The following AAK1 variants were observed in gnomAD, a reference collection of about 807,000 sequenced individuals.
AAK1 encodes the protein AP2-associated protein kinase 1.
In AAK1, 37 loss-of-function variants were observed where a neutral mutation model predicts 116.0. The ratio of observed to expected loss-of-function variants is 0.32; its 90% CI spans 0.25 to 0.42. The LOEUF (loss-of-function observed/expected upper bound fraction) is 0.42, where lower values mean the gene tolerates loss of function less well. Ranked by LOEUF, AAK1 falls within the 10% of genes least tolerant of loss-of-function variation. The pLI is 1.00. For missense variants in AAK1, 919 were observed against 1,170.6 expected (o/e 0.79, Z 3.14); for synonymous variants, 458 against 439.9 (o/e 1.04, Z -0.51).
intron 13 of AAK1, among the ~76,000 whole-genome samples, chr2:69,512,050 T>C (rs1676414803): frequency 6.6e-6 from 1 of 152,216 alleles, no homozygotes; most frequent in Non-Finnish European, 1.5e-5. Context: ...CAGGGTTAAC[T>C]GGAAGCAGAG....
Position 69,469,836 on chromosome 2 carries a change from T to C in AAK1, c.*6033A>G, listed in dbSNP as rs149771824. On this transcript the variant is annotated 3_prime_UTR_variant, in exon 22 of 22. Coordinates refer to ENST00000409085, the MANE Select transcript of AAK1 (RefSeq NM_014911.5). ...AGGACTGTGTGCCAGGTTAGGCACG[T>C]TGACACTTTCAATATGGGTAACTCC... The C allele has an allele frequency of 8.8e-5, 87 of 985,472 alleles. No individual in the cohort carries two copies. The highest frequency in any genetic ancestry group is 1.0e-3 in the Middle Eastern group (2 of 1,914). The allele number at this position is 985,472 out of a possible 1,614,324, so 61.0% of individuals were successfully genotyped here.
chr2:69,635,504 G>A (rs569383437), intron 2 of AAK1, among the ~76,000 whole-genome samples: 2 of 152,320 alleles, frequency 1.3e-5, no homozygotes, highest in South Asian at 4.1e-4. Context: ...GTTCATAACT[G>A]TAGCAACATT....
At chr2:69,630,712 C>T (rs921794122) in intron 2 of AAK1, among the ~76,000 whole-genome samples, 2 of 152,190 alleles carry the variant, frequency 1.3e-5, no homozygotes, top group Non-Finnish European at 2.9e-5. Flanking sequence ...TAAACCATCA[C>T]ACACAGTACT....
intron 15 of AAK1, among the ~76,000 whole-genome samples, chr2:69,506,898 C>A (rs1487458428): frequency 1.7e-5 from 2 of 121,088 alleles, no homozygotes; most frequent in Non-Finnish European, 3.3e-5. Context: ...GTGTGTGTGT[C>A]CTGCCTTCCA....
intron 2 of AAK1, among the ~76,000 whole-genome samples, chr2:69,621,584 A>C (rs1055802829): frequency 2.0e-5 from 3 of 152,190 alleles, no homozygotes; most frequent in Non-Finnish European, 2.9e-5. Flanking sequence ...AACCCACAGA[A>C]TCATGAGCAA....
chr2:69,480,115 C>G (rs1239039489), intron 19 of AAK1, among the ~76,000 whole-genome samples: 1 of 151,916 alleles, frequency 6.6e-6, no homozygotes, highest in Non-Finnish European at 1.5e-5. Flanking sequence ...AGAAAACATT[C>G]AAATGAGGAT....
At chr2:69,590,524 C>T (rs1672984418) in intron 2 of AAK1, among the ~76,000 whole-genome samples, 1 of 152,246 alleles carries the variant, frequency 6.6e-6, no homozygotes, top group Non-Finnish European at 1.5e-5. Flanking sequence ...CAGCATAAGC[C>T]ATCCCCACTA....
intron 5 of AAK1, among the ~76,000 whole-genome samples, chr2:69,540,412 C>G (rs960183731): frequency 6.6e-6 from 1 of 152,162 alleles, no homozygotes; most frequent in African/African-American, 2.4e-5. Context: ...TGAGCCACCA[C>G]GCCCGGCCAC....
chr2:69,542,000 C>T (rs1428944236), intron 5 of AAK1, among the ~76,000 whole-genome samples: 1 of 152,170 alleles, frequency 6.6e-6, no homozygotes, highest in Non-Finnish European at 1.5e-5. Context: ...GTACATAAAA[C>T]GTAGTAGAGT....
At chr2:69,640,534 G>C (rs1573036639) in intron 2 of AAK1, among the ~76,000 whole-genome samples, 1 of 152,168 alleles carries the variant, frequency 6.6e-6, no homozygotes, top group Admixed American at 6.5e-5. Context: ...ATCCTTAAAG[G>C]CAGATGTCAA....
rs74712362 is a variant in AAK1 at position 69,541,825 on chromosome 2, C to T, written c.534+698G>A. 6.7e-3 allele frequency among the ~76,000 whole-genome samples: 1,014 copies of T among 152,186 alleles called. 23 individuals carry two copies. The highest frequency in any genetic ancestry group is 0.013 in the East Asian group (66 of 5,178). ...GCTATGAAGCATGTTTCCTGAAACA[C>T]GGTAGAATGAAAAGAAATTGTAATT... On this transcript the variant is annotated intron_variant, in intron 5 of 21. Transcript: ENST00000409085.
chr2:69,532,101 G>T lies in AAK1; in HGVS notation c.596C>A (p.Thr199Asn), dbSNP rs1459510305. 6.2e-7 allele frequency: 1 copy of T among 1,613,528 alleles called. No homozygotes were observed. Among genetic ancestry groups the T allele is most frequent in the African/African-American group, 1.3e-5 (1 of 74,858 alleles). The change falls in exon 6 of 22, where the codon ACC becomes AAC. Residue 199 changes from threonine to asparagine, a missense_variant. Transcript: ENST00000409085. ...AGTTTGTGGATTCTGGAATTTGTTG[G>T]TGGCGCTTCCAAAGTCACACAGGAC... ...HYVLCDFGSA[T>N]NKFQNPQTEG...
intron 17 of AAK1, among the ~76,000 whole-genome samples, chr2:69,493,240 T>G (rs1008603941): frequency 6.7e-6 from 1 of 148,392 alleles, no homozygotes; most frequent in East Asian, 2.0e-4. Context: ...AATGTTAAAA[T>G]AAGCAGAATA....
Position 69,519,037 on chromosome 2 carries a change from G to C in AAK1, c.1414C>G (p.Gln472Glu), listed in dbSNP as rs1399618043. The C allele has an allele frequency of 8.4e-6, 13 of 1,550,602 alleles. No homozygotes were observed. In the South Asian group the frequency reaches 1.5e-4, roughly 18 times the overall value. Residue 472 changes from glutamine to glutamate, a missense_variant, in exon 12 of 22, where the codon CAA becomes GAA. By Grantham distance (29) the Gln-to-Glu change is conservative. Coordinates refer to ENST00000409085, the MANE Select transcript of AAK1 (RefSeq NM_014911.5). ...GGCGGTGGCTGTTGCTGCTGCTGTT[G>C]CTGCTTGAGGAAGAGTTGCTGCTGG... ...QHQQQLFLKQ[Q>E]QQQQQPPPAQ...
chr2:69,620,961 T>G (rs1168886611), intron 2 of AAK1, among the ~76,000 whole-genome samples: 1 of 152,240 alleles, frequency 6.6e-6, no homozygotes, highest in Non-Finnish European at 1.5e-5. Flanking sequence ...TTAGCCAACT[T>G]TAATGAAATA....
intron 17 of AAK1, among the ~76,000 whole-genome samples, chr2:69,494,777 C>T (rs1234458605): frequency 1.3e-5 from 2 of 152,090 alleles, no homozygotes; most frequent in Admixed American, 6.5e-5. Context: ...TAGTGGTTTT[C>T]GATATTTTTA....
Position 69,465,710 on chromosome 2 carries a change from T to C in AAK1, c.*10159A>G. ...CTTTCTGGAGCTGAGGTCCTTTGTT[T>C]CTGTCATTAGAATGACCCCCAGATT... On this transcript the variant is annotated 3_prime_UTR_variant, in exon 22 of 22. Transcript: ENST00000409085. 7.7e-7 allele frequency: 1 copy of C among 1,290,906 alleles called. No individual in the cohort carries two copies. Among genetic ancestry groups the C allele is most frequent in the Non-Finnish European group, 1.0e-6 (1 of 988,882 alleles). The allele number at this position is 1,290,906 out of a possible 1,614,324, so 80.0% of individuals were successfully genotyped here. A position where few individuals can be genotyped will look rare whatever the true frequency, so the allele number is the denominator to read the frequency against.
intron 3 of AAK1, among the ~76,000 whole-genome samples, chr2:69,553,960 C>T (rs1274905349): frequency 2.0e-5 from 3 of 151,416 alleles, no homozygotes; most frequent in African/African-American, 4.9e-5. Context: ...GCCTATAGTC[C>T]CAGCTAGTGG....
intron 2 of AAK1, among the ~76,000 whole-genome samples, chr2:69,590,155 AG>A (rs1445275270): frequency 1.3e-5 from 2 of 152,210 alleles, no homozygotes; most frequent in African/African-American, 4.8e-5. Flanking sequence ...TTCCTCCAGC[AG>A]AACACATCAT....
Sources: allele counts gnomAD v4.1 joint callset (sites outside exome capture counted in the v4.1 genomes callset), GRCh38; gene constraint gnomAD v4.1.1; transcripts MANE v1.5; gene names NCBI Gene and HGNC (gene_info 2026-07-23, HGNC 2026-07-21).